The following TMEFF2 variants were observed in gnomAD, a reference collection of about 807,000 sequenced individuals.
TMEFF2 encodes the protein tomoregulin-2.
TMEFF2 carries 28 observed loss-of-function variants against 53.8 expected under a neutral mutation model. The ratio of observed to expected loss-of-function variants is 0.52; its 90% CI spans 0.39 to 0.71. The LOEUF is 0.71. Ranked by LOEUF, TMEFF2 falls within the 30% of genes least tolerant of loss-of-function variation. The pLI, the probability that TMEFF2 is intolerant of heterozygous loss-of-function variation, is 0.00. For synonymous variants in TMEFF2, 162 were observed against 166.3 expected (o/e 0.97, Z 0.20); for missense variants, 353 against 455.2 (o/e 0.78, Z 2.04).
chr2:192,030,358 TGAAAA>T (rs1159993320), intron 5 of TMEFF2: 1 of 152,150 alleles, frequency 6.6e-6, no homozygotes, highest in African/African-American at 2.4e-5. Context: ...ACCATGGTGA[TGAAAA>T]GAAATCAGCT....
At chr2:191,965,924 T>C (rs1692457135) in intron 7 of TMEFF2, among the ~76,000 whole-genome samples, 1 of 152,106 alleles carries the variant, frequency 6.6e-6, no homozygotes, top group African/African-American at 2.4e-5. Context: ...CATTATTGTT[T>C]ACTTGTCTGT....
At chr2:192,192,665 T>C (rs1408314077) in intron 1 of TMEFF2, among the ~76,000 whole-genome samples, 2 of 152,192 alleles carry the variant, frequency 1.3e-5, no homozygotes, top group African/African-American at 2.4e-5. Context: ...CTGGTAAATA[T>C]GTAATTTCTT....
At chr2:192,065,671 A>T (rs948401890) in intron 4 of TMEFF2, among the ~76,000 whole-genome samples, 2 of 151,782 alleles carry the variant, frequency 1.3e-5, no homozygotes, top group Non-Finnish European at 3.0e-5. Flanking sequence ...ACATAAATAA[A>T]TGATGAGTGA....
intron 4 of TMEFF2, among the ~76,000 whole-genome samples, chr2:192,083,854 T>C (rs550896206): frequency 6.6e-6 from 1 of 152,104 alleles, no homozygotes; most frequent in East Asian, 1.9e-4. Flanking sequence ...GTTCAACTCA[T>C]GCAATTAGAG....
intron 4 of TMEFF2, among the ~76,000 whole-genome samples, chr2:192,148,961 C>G (rs1349994228): frequency 6.6e-6 from 1 of 151,856 alleles, no homozygotes; most frequent in Non-Finnish European, 1.5e-5. Flanking sequence ...CAGGAGGTCC[C>G]TAAGTCCCAC....
intron 4 of TMEFF2, among the ~76,000 whole-genome samples, chr2:192,092,810 G>T (rs899052760): frequency 6.6e-6 from 1 of 152,050 alleles, no homozygotes; most frequent in Admixed American, 6.6e-5. Flanking sequence ...ATGAACCAAG[G>T]AATGGGGGTG....
At chr2:192,026,088 C>A (rs1686964528) in intron 5 of TMEFF2, among the ~76,000 whole-genome samples, 1 of 152,172 alleles carries the variant, frequency 6.6e-6, no homozygotes, top group African/African-American at 2.4e-5. Context: ...CGCCCCTCCC[C>A]ACCCTAAGCC....
intron 4 of TMEFF2, among the ~76,000 whole-genome samples, chr2:192,089,778 A>G (rs1175506201): frequency 6.6e-6 from 1 of 152,148 alleles, no homozygotes; most frequent in East Asian, 1.9e-4. Context: ...TAAAATGGGG[A>G]CCATAACTCT....
intron 7 of TMEFF2, among the ~76,000 whole-genome samples, chr2:191,984,529 G>A (rs1204446168): frequency 2.6e-5 from 4 of 152,162 alleles, no homozygotes; most frequent in African/African-American, 4.8e-5. Context: ...ATGTAGGAAC[G>A]ATGGGGTAAC....
At chr2:192,080,510 A>G (rs1284429681) in intron 4 of TMEFF2, among the ~76,000 whole-genome samples, 1 of 152,182 alleles carries the variant, frequency 6.6e-6, no homozygotes, top group East Asian at 1.9e-4. Context: ...TCTTTCCTTT[A>G]TAAATTACCC....
intron 8 of TMEFF2, among the ~76,000 whole-genome samples, chr2:191,955,641 A>G (rs771446144): frequency 3.8e-4 from 55 of 143,974 alleles, no homozygotes; most frequent in Non-Finnish European, 7.6e-4. Context: ...GTGAGCCATC[A>G]TGCCTGGCCA....
intron 7 of TMEFF2, among the ~76,000 whole-genome samples, chr2:191,977,810 AATAAG>A (rs1685768101): frequency 6.6e-6 from 1 of 152,230 alleles, no homozygotes. Flanking sequence ...AGTTTGTTAT[AATAAG>A]ATAATATCCA....
chr2:191,950,113 A>G lies in TMEFF2; in HGVS notation c.*198T>C. ...TAAATAGTTTATTTACATTACAGAA[A>G]AAACATCAAGACAATGTATACTATT... On this transcript the variant is annotated 3_prime_UTR_variant, in exon 10 of 10. Transcript: ENST00000272771. 1 of 1,327,398 alleles carries G rather than the reference A, an allele frequency of 7.5e-7. No homozygotes were observed. The highest frequency in any genetic ancestry group is 9.6e-7 in the Non-Finnish European group (1 of 1,038,050). 82.2% of individuals were successfully genotyped at this position (1,327,398 alleles called of 1,614,324 possible). A position where few individuals can be genotyped will look rare whatever the true frequency, so the allele number is the denominator to read the frequency against.
intron 5 of TMEFF2, among the ~76,000 whole-genome samples, chr2:192,016,348 A>G (rs535130312): frequency 1.4e-4 from 22 of 152,324 alleles, no homozygotes; most frequent in African/African-American, 4.8e-4. Context: ...ATCAAGGGTC[A>G]TTTATTTTAT....
chr2:192,092,455 A>G (rs1258681985), intron 4 of TMEFF2, among the ~76,000 whole-genome samples: 2 of 152,154 alleles, frequency 1.3e-5, no homozygotes, highest in Non-Finnish European at 2.9e-5. Flanking sequence ...GATGTTCCAT[A>G]TTTTACAGGG....
intron 5 of TMEFF2, among the ~76,000 whole-genome samples, chr2:192,008,124 C>G (rs1686544737): frequency 6.6e-6 from 1 of 152,178 alleles, no homozygotes; most frequent in Non-Finnish European, 1.5e-5. Context: ...ACAACAGTGA[C>G]AGCATGCAAG....
chr2:192,102,499 C>A (rs556801317), intron 4 of TMEFF2, among the ~76,000 whole-genome samples: 3 of 152,128 alleles, frequency 2.0e-5, no homozygotes, highest in Non-Finnish European at 2.9e-5. Context: ...TAAGACAGGA[C>A]CTTTGCAGTT....
chr2:191,988,867 T>C (rs1022439936), intron 7 of TMEFF2, among the ~76,000 whole-genome samples: 2 of 152,150 alleles, frequency 1.3e-5, no homozygotes, highest in African/African-American at 2.4e-5. Flanking sequence ...CTATCAAACA[T>C]TGATAATGCA....
intron 7 of TMEFF2, among the ~76,000 whole-genome samples, chr2:191,972,110 A>G (rs968028418): frequency 1.3e-5 from 2 of 151,470 alleles, no homozygotes; most frequent in Non-Finnish European, 2.9e-5. Context: ...GATCCTTACT[A>G]TACACCAAGC....
Sources: gnomAD v4.1 joint callset for allele counts (sites outside exome capture counted in the v4.1 genomes callset) on GRCh38, gnomAD v4.1.1 for gene constraint, MANE v1.5 for transcripts, NCBI Gene and HGNC (gene_info 2026-07-23, HGNC 2026-07-21) for gene names.